Variants in HDAC11 observed in about 807,000 individuals in gnomAD.
HDAC11 encodes histone deacetylase 11.
A neutral mutation model predicts 41.1 loss-of-function variants in HDAC11; 23 were observed. That is an observed-to-expected ratio of 0.56 (90% confidence interval 0.40 to 0.79). HDAC11 has a LOEUF of 0.79. Ranked by LOEUF, HDAC11 falls within the 30% of genes least tolerant of loss-of-function variation. The pLI is 0.00. For synonymous variants in HDAC11, 187 were observed against 186.6 expected (o/e 1.00, Z -0.02); for missense variants, 402 against 477.3 (o/e 0.84, Z 1.47).
chr3:13,494,485 A>C (rs1205787753), intron 3 of HDAC11, among the ~76,000 whole-genome samples: 1 of 152,214 alleles, frequency 6.6e-6, no homozygotes, highest in African/African-American at 2.4e-5. Context: ...TGTATACACA[A>C]GACACATACA....
In HDAC11 at chr3:13,504,254, G is replaced by C. The variant is rs1194757023; in HGVS notation, c.810G>C (p.Gly270=). ...TDILEGDRLG[G]LSISPAGIVK... is the part of the protein sequence containing the mutation. ...TCCTCGAGGGGGACCGCCTTGGGGGGCTGTCCATCAGCCCAGCGGTACGTC... is the reference window on the plus strand; with the variant it reads ...TCCTCGAGGGGGACCGCCTTGGGGGCCTGTCCATCAGCCCAGCGGTACGTC... The change falls in exon 9 of 10, where the codon GGG becomes GGC. Residue 270 remains glycine, a synonymous_variant. Coordinates refer to ENST00000295757, the MANE Select transcript of HDAC11 (RefSeq NM_024827.4). 1.2e-6 allele frequency: 2 copies of C among 1,613,304 alleles called. No homozygotes were observed. The highest frequency in any genetic ancestry group is 2.7e-5 in the African/African-American group (2 of 74,930).
At position 13,483,539 on chromosome 3, in the gene HDAC11, C is replaced by T. The variant is rs373592991; in HGVS notation, c.227C>T (p.Thr76Met). 7 of 1,612,934 alleles carry T rather than the reference C, an allele frequency of 4.3e-6. No individual in the cohort carries two copies. The highest frequency in any genetic ancestry group is 2.7e-5 in the African/African-American group (2 of 74,732). The change falls in exon 3 of 10, where the codon ACG becomes ATG. Residue 76 changes from threonine to methionine, a missense_variant. Coordinates refer to ENST00000295757, the MANE Select transcript of HDAC11 (RefSeq NM_024827.4). Reference sequence around the variant, plus strand: ...GAGGAGGACCTGCTGGTGGTGCACACGAGGCGCTATCTTAATGAGCTCAAG... The same window carrying T: ...GAGGAGGACCTGCTGGTGGTGCACATGAGGCGCTATCTTAATGAGCTCAAG... Reference protein sequence around the residue: ...ASEEDLLVVHTRRYLNELKWS... With the variant: ...ASEEDLLVVHMRRYLNELKWS...
At chr3:13,481,472 C>T (rs1182877791) in intron 2 of HDAC11, 78 bp downstream of exon 2, 2 of 1,524,384 alleles carry the variant, frequency 1.3e-6, no homozygotes, top group Non-Finnish European at 9.0e-7. Context: ...CCAACATAAG[C>T]CTCAGGCTCT....
chr3:13,499,911 C>A (rs1702272417), intron 5 of HDAC11, among the ~76,000 whole-genome samples: 1 of 152,094 alleles, frequency 6.6e-6, no homozygotes, highest in South Asian at 2.1e-4. Flanking sequence ...GGCTGTGTGA[C>A]CCTGGGCAAG....
chr3:13,504,473 CG>C lies in HDAC11; in HGVS notation c.835del (p.Val279Ter), dbSNP rs1473671620. On this transcript the variant is annotated frameshift_variant, in exon 10 of 10. Transcript: ENST00000295757. LOFTEE classifies it high-confidence loss of function. ...GGLSISPAGIVKRDELVFRMV... is the reference protein window; with the variant it reads ...GGLSISPAGIXKRDELVFRMV... ...CCCTCCTCTTCCCCTAACAGGGCATCGTGAAGCGGGATGAGCTGGTGTTCCG... is the reference window on the plus strand; with the variant it reads ...CCCTCCTCTTCCCCTAACAGGGCATCTGAAGCGGGATGAGCTGGTGTTCCG... 1.2e-6 allele frequency: 2 copies of C among 1,613,080 alleles called. No homozygotes were observed. The highest frequency in any genetic ancestry group is 3.3e-5 in the Admixed American group (2 of 60,002).
At position 13,505,169 on chromosome 3, in the gene HDAC11, C is replaced by T. The variant is rs749938922; in HGVS notation, c.*486C>T. 5.1e-6 allele frequency: 1 copy of T among 197,456 alleles called. No homozygotes were observed. The highest frequency in any genetic ancestry group is 1.1e-5 in the Non-Finnish European group (1 of 94,696). The allele number at this position is 197,456 out of a possible 1,614,324, so 12.2% of individuals were successfully genotyped here. On this transcript the variant is annotated 3_prime_UTR_variant, in exon 10 of 10. Transcript: ENST00000295757. ...CCCCAGAGCTGAAGAGCTATAGGCACTGGTGTGGATGGCCCAGGAGGTGCT... is the reference window on the plus strand; with the variant it reads ...CCCCAGAGCTGAAGAGCTATAGGCATTGGTGTGGATGGCCCAGGAGGTGCT...
chr3:13,481,966 G>A (rs893090010), intron 2 of HDAC11, among the ~76,000 whole-genome samples: 1 of 152,136 alleles, frequency 6.6e-6, no homozygotes, highest in Admixed American at 6.5e-5. Context: ...ACCACACCCG[G>A]CCCTGATTTC....
At chr3:13,495,039 ACTC>A (rs765955311) in intron 3 of HDAC11, among the ~76,000 whole-genome samples, 2 of 147,750 alleles carry the variant, frequency 1.4e-5, no homozygotes, top group Middle Eastern at 7.1e-3. Context: ...CCATCCTAAA[ACTC>A]CTCCTCCTGG....
At chr3:13,500,303 T>G (rs919680527) in intron 5 of HDAC11, among the ~76,000 whole-genome samples, 3 of 151,960 alleles carry the variant, frequency 2.0e-5, no homozygotes, top group Non-Finnish European at 4.4e-5. Context: ...CTGTAGGCAG[T>G]CATGACCAGC....
chr3:13,499,851 A>C (rs968416162), intron 5 of HDAC11, among the ~76,000 whole-genome samples: 1 of 152,068 alleles, frequency 6.6e-6, no homozygotes, highest in Non-Finnish European at 1.5e-5. Flanking sequence ...AGAGGTTAAG[A>C]GCCTGGATCC....
At chr3:13,481,826 C>CA in intron 2 of HDAC11, among the ~76,000 whole-genome samples, 1 of 152,188 alleles carries the variant, frequency 6.6e-6, no homozygotes, top group Non-Finnish European at 1.5e-5. Flanking sequence ...GTCCAGTCCT[C>CA]ACAGCAGCCC....
At chr3:13,498,402 T>C in intron 4 of HDAC11, 111 bp from the exon 5 acceptor site, 1 of 1,346,062 alleles carries the variant, frequency 7.4e-7, no homozygotes. Context: ...AGCTCATCCT[T>C]CCCCCAGAGC....
chr3:13,490,063 G>C (rs879685713), intron 3 of HDAC11, among the ~76,000 whole-genome samples: 1 of 151,432 alleles, frequency 6.6e-6, no homozygotes, highest in South Asian at 2.1e-4. Context: ...GCGCGATCTC[G>C]GCTCACTGCA....
intron 2 of HDAC11, among the ~76,000 whole-genome samples, chr3:13,483,106 AG>A (rs1701399675): frequency 6.8e-6 from 1 of 148,042 alleles, no homozygotes; most frequent in African/African-American, 2.5e-5. Flanking sequence ...GGGAAGGTGG[AG>A]GGGGAATTCC....
chr3:13,504,798 A>C lies in HDAC11; in HGVS notation c.*115A>C. On this transcript the variant is annotated 3_prime_UTR_variant, in exon 10 of 10. Transcript: ENST00000295757. ...TCAGTGAGCATGGAGGGGCAGGGCC[A>C]TCCCTGGCTGGGGCCTGGAGCTGGC... The C allele has an allele frequency of 1.1e-6, 1 of 927,780 alleles. No homozygotes were observed. Among genetic ancestry groups the C allele is most frequent in the Non-Finnish European group, 1.7e-6 (1 of 603,552 alleles). The allele number at this position is 927,780 out of a possible 1,614,324, so 57.5% of individuals were successfully genotyped here.
intron 8 of HDAC11, chr3:13,503,187 A>C: frequency 2.6e-6 from 1 of 385,066 alleles, no homozygotes. Flanking sequence ...CTTACAATAA[A>C]CATGCATTTG....
intron 3 of HDAC11, among the ~76,000 whole-genome samples, chr3:13,485,742 A>G (rs1330174154): frequency 6.6e-6 from 1 of 152,148 alleles, no homozygotes; most frequent in African/African-American, 2.4e-5. Context: ...CTATGATTGC[A>G]CCACTGCACT....
At chr3:13,487,269 G>T (rs962197461) in intron 3 of HDAC11, among the ~76,000 whole-genome samples, 4 of 152,186 alleles carry the variant, frequency 2.6e-5, no homozygotes, top group African/African-American at 7.2e-5. Flanking sequence ...TTCCTCTGCT[G>T]TGGGCGCCCA....
intron 3 of HDAC11, among the ~76,000 whole-genome samples, chr3:13,486,571 G>GTTTTTTTTTTTT (rs767002835): frequency 2.0e-4 from 17 of 83,062 alleles, no homozygotes; most frequent in African/African-American, 8.1e-4. Context: ...ATGTAGAGGT[G>GTTTTTTTTTTTT]TTTTTTTTTT....
Sources: allele counts gnomAD v4.1 joint callset (sites outside exome capture counted in the v4.1 genomes callset), GRCh38; gene constraint gnomAD v4.1.1; transcripts MANE v1.5; gene names NCBI Gene and HGNC (gene_info 2026-07-23, HGNC 2026-07-21).